PDS5B: variants seen among roughly 807,000 people sequenced by gnomAD.
PDS5B encodes PDS5 cohesin associated factor B, also known as sister chromatid cohesion protein PDS5 homolog B.
In PDS5B, 51 loss-of-function variants were observed where a neutral mutation model predicts 184.1. The ratio of observed to expected loss-of-function variants is 0.28; its 90% confidence interval spans 0.22 to 0.35. The LOEUF (loss-of-function observed/expected upper bound fraction) is 0.35, where lower values mean the gene tolerates loss of function less well. Among genes scored for constraint, PDS5B ranks in the 10% least tolerant of loss-of-function variants. PDS5B has a pLI of 1.00. For missense variants in PDS5B, 1,180 were observed against 1,723.3 expected (o/e 0.68, Z 5.58); for synonymous variants, 566 against 569.2 (o/e 0.99, Z 0.08).
At chr13:32,738,073 A>G in intron 21 of PDS5B, among the ~76,000 whole-genome samples, 1 of 152,032 alleles carries the variant, frequency 6.6e-6, no homozygotes, top group Non-Finnish European at 1.5e-5. Context: ...TTCATTTGTT[A>G]CTCTATAATT....
Position 32,706,992 on chromosome 13 carries a change from G to C in PDS5B, c.1915G>C (p.Gly639Arg), listed in dbSNP as rs1211341519. ...TGGAACAGCAGATGATGAAGATGAG[G>C]GTGTTCCAACTGATCAAGCCATCAG... ...IDGTADDEDE[G>R]VPTDQAIRAG... Residue 639 changes from glycine (G) to arginine (R), a missense_variant, in exon 18 of 35, where the codon GGT (glycine) becomes CGT (arginine). By Grantham distance (125) the Gly-to-Arg change is moderately radical (BLOSUM62 -2). Transcript: ENST00000315596. 10 of 1,610,522 alleles carry C rather than the reference G, an allele frequency of 6.2e-6. No homozygotes were observed. In the African/African-American group the frequency reaches 1.1e-4, roughly 17 times the overall value.
At chr13:32,633,248 A>G (rs1403062485) in intron 1 of PDS5B, among the ~76,000 whole-genome samples, 3 of 152,210 alleles carry the variant, frequency 2.0e-5, no homozygotes, top group Non-Finnish European at 4.4e-5. Context: ...TGGTTGCACA[A>G]TATTGTAAAT....
At chr13:32,619,971 A>G (rs1354165815) in intron 1 of PDS5B, among the ~76,000 whole-genome samples, 1 of 151,710 alleles carries the variant, frequency 6.6e-6, no homozygotes, top group African/African-American at 2.4e-5. Flanking sequence ...GCTAATTTTT[A>G]TATTTTTAGT....
chr13:32,741,604 C>T (rs1052435729), intron 22 of PDS5B, among the ~76,000 whole-genome samples: 9 of 148,578 alleles, frequency 6.1e-5, no homozygotes, highest in South Asian at 4.3e-4. Context: ...GTAGTGTAGA[C>T]CTCATGTCAA....
chr13:32,728,632 A>C (rs2140943347), intron 19 of PDS5B, among the ~76,000 whole-genome samples: 1 of 152,138 alleles, frequency 6.6e-6, no homozygotes, highest in East Asian at 1.9e-4. Flanking sequence ...CCCAGGCTCT[A>C]TTTGGGTCAT....
chr13:32,587,213 G>A (rs1284799389), intron 1 of PDS5B, among the ~76,000 whole-genome samples: 1 of 151,292 alleles, frequency 6.6e-6, no homozygotes, highest in African/African-American at 2.4e-5. Flanking sequence ...CTCCGCTTCG[G>A]GCCAGGGGAC....
At position 32,661,397 on chromosome 13, in the gene PDS5B, A is replaced by G. The variant is rs866280393; in HGVS notation, c.624+2117A>G. Among the ~76,000 whole-genome samples, 273 of 150,072 alleles carry G rather than the reference A, an allele frequency of 1.8e-3. 5 individuals carry two copies. The highest frequency in any genetic ancestry group is 6.5e-3 in the African/African-American group (267 of 41,222). ...TGAGACTCTGTCTCAAAAAAAAAAA[A>G]AAAAAAAAAAAAACAGAAAAAGAAA... On this transcript the variant is annotated intron_variant, in intron 6 of 34. Coordinates refer to ENST00000315596, the MANE Select transcript of PDS5B (RefSeq NM_015032.4).
intron 1 of PDS5B, among the ~76,000 whole-genome samples, chr13:32,616,189 G>A (rs1205385616): frequency 6.6e-6 from 1 of 151,906 alleles, no homozygotes; most frequent in Non-Finnish European, 1.5e-5. Context: ...TAGTAGCTGG[G>A]ATTACAGGCA....
chr13:32,686,685 T>C (rs1398105943), intron 11 of PDS5B, among the ~76,000 whole-genome samples: 1 of 152,214 alleles, frequency 6.6e-6, no homozygotes, highest in Non-Finnish European at 1.5e-5. Flanking sequence ...CTCTGGAGGC[T>C]GAGGTAGGAG....
chr13:32,776,619 C>T lies in PDS5B; in HGVS notation c.*1567C>T, dbSNP rs1344398525. ...CAGAGGGGAAAAAATCATATTCTAA[C>T]TTATTAAATTTATCACATTGAATAG... is the stretch of plus-strand genomic sequence containing the variant. On this transcript the variant is annotated 3_prime_UTR_variant, in exon 35 of 35. Coordinates refer to ENST00000315596, the MANE Select transcript of PDS5B (RefSeq NM_015032.4). The T allele has an allele frequency of 1.3e-5, 2 of 152,032 alleles. No individual in the cohort carries two copies. Among genetic ancestry groups the T allele is most frequent in the Non-Finnish European group, 2.9e-5 (2 of 67,888 alleles). The allele number at this position is 152,032 out of a possible 1,614,324, so 9.4% of individuals were successfully genotyped here. A position where few individuals can be genotyped will look rare whatever the true frequency, so the allele number is the denominator to read the frequency against.
intron 28 of PDS5B, 39 bp from the exon 29 acceptor site, chr13:32,759,589 T>G: frequency 8.9e-7 from 1 of 1,125,470 alleles, no homozygotes; most frequent in Non-Finnish European, 1.3e-6. Flanking sequence ...AGATAGTGTT[T>G]TAATATTCAC....
intron 6 of PDS5B, among the ~76,000 whole-genome samples, chr13:32,667,140 G>T (rs1950819286): frequency 6.6e-6 from 1 of 152,030 alleles, no homozygotes; most frequent in Non-Finnish European, 1.5e-5. Flanking sequence ...TTTAAACTGG[G>T]GTAGTGACTC....
At chr13:32,739,264 C>T (rs1953453783) in intron 21 of PDS5B, among the ~76,000 whole-genome samples, 1 of 151,976 alleles carries the variant, frequency 6.6e-6, no homozygotes, top group Non-Finnish European at 1.5e-5. Flanking sequence ...CTTACCATCT[C>T]CTGGTAATCT....
Position 32,706,986 on chromosome 13 carries a change from G to C in PDS5B, c.1909G>C (p.Asp637His). Residue 637 changes from aspartate to histidine, a missense_variant, in exon 18 of 35, where the codon GAT (aspartate) becomes CAT (histidine). Physicochemically the swap from Asp to His is moderately conservative, Grantham distance 81. Transcript: ENST00000315596. ...KSIDGTADDE[D>H]EGVPTDQAIR... is the part of the protein sequence containing the mutation. The stretch of plus-strand genomic sequence containing the variant: ...AATAGATGGAACAGCAGATGATGAA[G>C]ATGAGGGTGTTCCAACTGATCAAGC... The C allele has an allele frequency of 6.2e-7, 1 of 1,612,372 alleles. No homozygotes were observed. The highest frequency in any genetic ancestry group is 1.1e-5 in the South Asian group (1 of 90,790).
At chr13:32,773,931 G>A (rs1002043932) in intron 34 of PDS5B, among the ~76,000 whole-genome samples, 4 of 152,088 alleles carry the variant, frequency 2.6e-5, no homozygotes, top group Non-Finnish European at 5.9e-5. Context: ...AGCTTCCCAA[G>A]TAGCTGAGAT....
At chr13:32,722,346 C>T (rs1458814881) in intron 19 of PDS5B, among the ~76,000 whole-genome samples, 1 of 152,130 alleles carries the variant, frequency 6.6e-6, no homozygotes, top group Non-Finnish European at 1.5e-5. Flanking sequence ...CCGTGGAAAG[C>T]GGGAGATGGA....
At chr13:32,593,587 C>T (rs1399757868) in intron 1 of PDS5B, among the ~76,000 whole-genome samples, 20 of 152,198 alleles carry the variant, frequency 1.3e-4, no homozygotes, top group African/African-American at 3.9e-4. Context: ...GTGATCCGCC[C>T]GCCTTGGCCT....
chr13:32,616,272 C>A (rs2058218627), intron 1 of PDS5B, among the ~76,000 whole-genome samples: 1 of 152,102 alleles, frequency 6.6e-6, no homozygotes, highest in African/African-American at 2.4e-5. Context: ...CCAGGCTGGT[C>A]TCGAACTCCT....
rs921495300 is a variant in PDS5B, at chr13:32,721,384, G to A, written c.2124-10717G>A. Reference sequence around the variant, plus strand: ...CTCCCAGACGGGGTGGCTGCCGGGCGGGGGTGCCCCTCACTTCCCAGACGG... The same window carrying A: ...CTCCCAGACGGGGTGGCTGCCGGGCAGGGGTGCCCCTCACTTCCCAGACGG... On this transcript the variant is annotated intron_variant, in intron 19 of 34. Coordinates refer to ENST00000315596, the MANE Select transcript of PDS5B (RefSeq NM_015032.4). 5.0e-4 allele frequency among the ~76,000 whole-genome samples: 76 copies of A among 151,356 alleles called. 1 individual carries two copies. The highest frequency in any genetic ancestry group is 1.7e-3 in the African/African-American group (72 of 41,246).
Sources: allele counts gnomAD v4.1 joint callset (sites outside exome capture counted in the v4.1 genomes callset), GRCh38; gene constraint gnomAD v4.1.1; transcripts MANE v1.5; gene names NCBI Gene and HGNC (gene_info 2026-07-23, HGNC 2026-07-21).